Variants in NPTN observed in about 807,000 individuals in gnomAD.
NPTN encodes the protein neuroplastin, also known as SDR-1.
In NPTN, 5 loss-of-function variants were observed where a neutral mutation model predicts 42.7. The observed-to-expected ratio is 0.12, with a 90% CI of 0.06 to 0.25. The LOEUF is 0.25. Ranked by LOEUF, NPTN falls within the 10% of genes least tolerant of loss-of-function variation. NPTN has a pLI of 1.00. For missense variants in NPTN, 307 were observed against 525.4 expected (o/e 0.58, Z 4.06); for synonymous variants, 180 against 201.9 (o/e 0.89, Z 0.92).
At chr15:73,592,825 T>C (rs1896657722) in intron 2 of NPTN, among the ~76,000 whole-genome samples, 1 of 152,206 alleles carries the variant, frequency 6.6e-6, no homozygotes, top group African/African-American at 2.4e-5. Context: ...ACACATTCCA[T>C]TCTGAGAAAA....
chr15:73,633,324 G>A lies in NPTN; in HGVS notation c.-109C>T. 1 of 811,750 alleles carries A rather than the reference G, an allele frequency of 1.2e-6. No individual in the cohort carries two copies. The highest frequency in any genetic ancestry group is 1.8e-6 in the Non-Finnish European group (1 of 557,656). 50.3% of individuals were successfully genotyped at this position (811,750 alleles called of 1,614,324 possible). A position where few individuals can be genotyped will look rare whatever the true frequency, so the allele number is the denominator to read the frequency against. The stretch of plus-strand genomic sequence containing the variant: ...GCGAGTGCGCGAGGGAGTGAGCGAG[G>A]GAGGCAGCCGCGGCTCGGCTCCGTC... On this transcript the variant is annotated 5_prime_UTR_variant, in exon 1 of 9. Transcript: ENST00000345330.
In NPTN at chr15:73,588,914, C is replaced by T. The variant is rs552880255; in HGVS notation, c.612-1296G>A. On this transcript the variant is annotated intron_variant, in intron 3 of 8. Coordinates refer to ENST00000345330, the MANE Select transcript of NPTN (RefSeq NM_012428.4). ...TACTATCCCATACCGAGTACCTAGC[C>T]TGGTGCCTGGAATACGGCAGGGGAA... Among the ~76,000 whole-genome samples the T allele has an allele frequency of 1.9e-3, 295 of 152,312 alleles. 1 individual carries two copies. Among genetic ancestry groups the T allele is most frequent in the Middle Eastern group, 0.014 (4 of 294 alleles).
chr15:73,622,269 AAATT>A (rs764060636), intron 1 of NPTN, among the ~76,000 whole-genome samples: 9 of 152,158 alleles, frequency 5.9e-5, no homozygotes, highest in Non-Finnish European at 1.2e-4. Flanking sequence ...CAGCAAGTGA[AAATT>A]ATTTTGAACC....
chr15:73,594,065 T>G (rs1233207369), intron 2 of NPTN, among the ~76,000 whole-genome samples: 1 of 151,978 alleles, frequency 6.6e-6, no homozygotes, highest in Non-Finnish European at 1.5e-5. Flanking sequence ...GAGAAAAAGA[T>G]AGAACCAGTA....
intron 6 of NPTN, chr15:73,567,350 A>T (rs1895088295): frequency 1.0e-6 from 1 of 984,706 alleles, no homozygotes; most frequent in African/African-American, 1.7e-5. Flanking sequence ...CTAATGGTAT[A>T]AAAAAAATCC....
At chr15:73,601,308 C>G (rs1595940618) in intron 1 of NPTN, among the ~76,000 whole-genome samples, 1 of 151,836 alleles carries the variant, frequency 6.6e-6, no homozygotes, top group African/African-American at 2.4e-5. Context: ...GAGATCTATT[C>G]CCCCTCCAAA....
At chr15:73,577,361 T>C (rs1185396349) in intron 4 of NPTN, among the ~76,000 whole-genome samples, 1 of 152,174 alleles carries the variant, frequency 6.6e-6, no homozygotes. Context: ...CACCTTAAGA[T>C]TAAGGTGTTA....
intron 3 of NPTN, 129 bp from the exon 4 acceptor site, chr15:73,587,747 C>T: frequency 1.5e-6 from 1 of 653,510 alleles, no homozygotes; most frequent in Non-Finnish European, 2.7e-6. Flanking sequence ...CTCCTTCTAA[C>T]TAAAAGCAAA....
At chr15:73,622,812 G>C (rs1162485472) in intron 1 of NPTN, among the ~76,000 whole-genome samples, 1 of 152,144 alleles carries the variant, frequency 6.6e-6, no homozygotes, top group Non-Finnish European at 1.5e-5. Context: ...AAATAGCAAA[G>C]ATACATTCTT....
In NPTN at chr15:73,633,157, G is replaced by T. The variant is rs1173705327; in HGVS notation, c.59C>A (p.Ser20Tyr). Residue 20 changes from serine to tyrosine, a missense_variant, in exon 1 of 9, where the codon TCC becomes TAC. Around this residue, in one of 2 missense-constraint regions of NPTN, gnomAD observed 43 missense variants for 34.3 expected, o/e 1.25. Coordinates refer to ENST00000345330, the MANE Select transcript of NPTN (RefSeq NM_012428.4). Reference sequence around the variant, plus strand: ...AGCGGCGCCTGGCCCTGGGAGGAGGGAGCCAGAGACCAGCAACAGCGAGAG... The same window carrying T: ...AGCGGCGCCTGGCCCTGGGAGGAGGTAGCCAGAGACCAGCAACAGCGAGAG... ...LALSLLLVSG[S>Y]LLPGPGAAQN... The T allele has an allele frequency of 1.3e-6, 2 of 1,511,500 alleles. No homozygotes were observed. Among genetic ancestry groups the T allele is most frequent in the Non-Finnish European group, 1.8e-6 (2 of 1,136,860 alleles). The allele number at this position is 1,511,500 out of a possible 1,614,324, so 93.6% of individuals were successfully genotyped here. A position where few individuals can be genotyped will look rare whatever the true frequency, so the allele number is the denominator to read the frequency against.
At chr15:73,573,405 G>A (rs1236967011) in intron 5 of NPTN, among the ~76,000 whole-genome samples, 1 of 152,182 alleles carries the variant, frequency 6.6e-6, no homozygotes, top group African/African-American at 2.4e-5. Flanking sequence ...TTAGAGCAAA[G>A]TGAGAATGGA....
At chr15:73,622,891 T>A (rs77351431) in intron 1 of NPTN, among the ~76,000 whole-genome samples, 7,525 of 152,244 alleles carry the variant, frequency 0.049, 199 homozygotes, top group South Asian at 0.093. Context: ...TAACTGGGCA[T>A]CCTATATTTT....
chr15:73,633,031 C>T, intron 1 of NPTN, 94 bp downstream of exon 1: 1 of 928,584 alleles, frequency 1.1e-6, no homozygotes, highest in African/African-American at 1.7e-5. Flanking sequence ...GCCCCCTTCC[C>T]CGAGCTCCAG....
intron 1 of NPTN, among the ~76,000 whole-genome samples, chr15:73,618,704 G>GCACGCACCTGTGGTCC (rs1326559699): frequency 2.6e-5 from 4 of 152,098 alleles, no homozygotes; most frequent in African/African-American, 9.7e-5. Context: ...GGGCATGGTG[G>GCACGCACCTGTGGTCC]CACGCACCTG....
At chr15:73,578,674 T>A (rs760589509) in intron 4 of NPTN, among the ~76,000 whole-genome samples, 1 of 152,174 alleles carries the variant, frequency 6.6e-6, no homozygotes, top group Non-Finnish European at 1.5e-5. Flanking sequence ...ATGGTAAGTT[T>A]AAGATACTTA....
intron 1 of NPTN, among the ~76,000 whole-genome samples, chr15:73,604,343 C>A (rs1897200679): frequency 6.6e-6 from 1 of 152,088 alleles, no homozygotes; most frequent in Non-Finnish European, 1.5e-5. Flanking sequence ...ATGATTCCAG[C>A]TACTCAGGAG....
chr15:73,594,117 A>G (rs561015564), intron 2 of NPTN, among the ~76,000 whole-genome samples: 70 of 152,360 alleles, frequency 4.6e-4, no homozygotes, highest in Admixed American at 7.2e-4. Context: ...GGCAACATTA[A>G]AACCCAAACA....
At chr15:73,575,417 G>A (rs1048960584) in intron 4 of NPTN, among the ~76,000 whole-genome samples, 18 of 152,216 alleles carry the variant, frequency 1.2e-4, no homozygotes, top group Admixed American at 5.2e-4. Flanking sequence ...ACGCCCAGCC[G>A]GGTTACAGTA....
intron 6 of NPTN, among the ~76,000 whole-genome samples, chr15:73,566,518 G>C (rs1489814445): frequency 6.6e-6 from 1 of 152,186 alleles, no homozygotes. Context: ...TGCTGTCTGT[G>C]AGGTCACTAA....
Sources: gnomAD v4.1 joint callset for allele counts (sites outside exome capture counted in the v4.1 genomes callset) on GRCh38, gnomAD v4.1.1 for gene constraint, gnomAD v4.1.1 regional missense constraint, MANE v1.5 for transcripts, NCBI Gene and HGNC (gene_info 2026-07-23, HGNC 2026-07-21) for gene names.